Variants in UXS1 observed in about 807,000 individuals in gnomAD.
The protein encoded by UXS1 is UDP-glucuronate decarboxylase 1.
In UXS1, 33 loss-of-function variants were observed where a neutral mutation model predicts 62.6. The observed-to-expected ratio is 0.53, with a 90% confidence interval of 0.40 to 0.70. UXS1 has a LOEUF of 0.70. Among genes scored for constraint, UXS1 ranks in the 30% least tolerant of loss-of-function variants. The pLI is 0.00. For missense variants in UXS1, 434 were observed against 556.3 expected (o/e 0.78, Z 2.21); for synonymous variants, 213 against 206.8 (o/e 1.03, Z -0.26).
At chr2:106,108,468 G>A (rs1387177115) in intron 10 of UXS1, among the ~76,000 whole-genome samples, 2 of 152,166 alleles carry the variant, frequency 1.3e-5, no homozygotes, top group Non-Finnish European at 2.9e-5. Context: ...CACAAATTGA[G>A]TGTGCAGCAA....
rs557182622 is a variant in UXS1, at chr2:106,129,553, G to A, written c.577+121C>T. 4 of 829,582 alleles carry A rather than the reference G, an allele frequency of 4.8e-6. No individual in the cohort carries two copies. In the South Asian group the frequency reaches 5.9e-5, roughly 12 times the overall value. The allele number at this position is 829,582 out of a possible 1,614,324, so 51.4% of individuals were successfully genotyped here. Reference sequence around the variant, plus strand: ...AAAACTGCCAAATACCACAAGCAGGGCAATAAGGGACGAGGGAACACACTC... The same window carrying A: ...AAAACTGCCAAATACCACAAGCAGGACAATAAGGGACGAGGGAACACACTC... On this transcript the variant is annotated intron_variant, in intron 7 of 14. Coordinates refer to ENST00000283148, the MANE Select transcript of UXS1 (RefSeq NM_001253875.2).
chr2:106,121,938 G>A (rs1314832785), intron 9 of UXS1, among the ~76,000 whole-genome samples: 1 of 152,210 alleles, frequency 6.6e-6, no homozygotes, highest in Non-Finnish European at 1.5e-5. Context: ...CCCAAGGTCA[G>A]GAACAGGAGA....
intron 1 of UXS1, among the ~76,000 whole-genome samples, chr2:106,192,290 T>C (rs909176915): frequency 5.3e-5 from 8 of 152,196 alleles, no homozygotes; most frequent in African/African-American, 1.9e-4. Context: ...AGCGGTGGCT[T>C]ACGCCTGTAA....
At chr2:106,188,924 A>C (rs1240958380) in intron 1 of UXS1, among the ~76,000 whole-genome samples, 1 of 152,264 alleles carries the variant, frequency 6.6e-6, no homozygotes, top group African/African-American at 2.4e-5. Context: ...TTTTTAAAAA[A>C]GTTCACAGAA....
At chr2:106,129,928 T>C in intron 6 of UXS1, 150 bp from the exon 7 acceptor site, 1 of 557,984 alleles carries the variant, frequency 1.8e-6, no homozygotes, top group Non-Finnish European at 3.1e-6. Flanking sequence ...TTTACATTTG[T>C]AATTAGGAAA....
At chr2:106,097,011 G>C in intron 13 of UXS1, 190 bp from the exon 14 acceptor site, 1 of 703,244 alleles carries the variant, frequency 1.4e-6, no homozygotes, top group East Asian at 2.8e-5. Flanking sequence ...GAGTGCTCCT[G>C]CAACTGCTGT....
At chr2:106,115,269 T>C (rs1442328087) in intron 9 of UXS1, among the ~76,000 whole-genome samples, 1 of 152,216 alleles carries the variant, frequency 6.6e-6, no homozygotes, top group East Asian at 1.9e-4. Context: ...ACCCAGGAAG[T>C]ACACACCAGG....
chr2:106,171,115 C>T (rs1166256629), intron 1 of UXS1, among the ~76,000 whole-genome samples: 2 of 152,138 alleles, frequency 1.3e-5, no homozygotes, highest in African/African-American at 4.8e-5. Context: ...TAAACTGAGG[C>T]ATATCAGCTT....
chr2:106,094,161 T>C lies in UXS1; in HGVS notation c.1147-4A>G, dbSNP rs200751439. 5.2e-5 allele frequency: 84 copies of C among 1,606,906 alleles called. No individual in the cohort carries two copies. The highest frequency in any genetic ancestry group is 6.8e-5 in the Non-Finnish European group (80 of 1,178,416). On this transcript the variant is annotated splice_region_variant and splice_polypyrimidine_tract_variant and intron_variant, in intron 14 of 14. Transcript: ENST00000283148. The stretch of plus-strand genomic sequence containing the variant: ...TTAAACCTTCCTCCAGCGGGACCTG[T>C]TTAAAGGGAAAGCAAGAAAGGGAGA...
At chr2:106,167,147 A>C (rs1683263156) in intron 1 of UXS1, among the ~76,000 whole-genome samples, 2 of 152,194 alleles carry the variant, frequency 1.3e-5, no homozygotes, top group African/African-American at 4.8e-5. Context: ...ACAGCAGATG[A>C]CTTTAAAATG....
At chr2:106,103,282 A>G (rs552071513) in intron 11 of UXS1, among the ~76,000 whole-genome samples, 1 of 152,376 alleles carries the variant, frequency 6.6e-6, no homozygotes, top group Non-Finnish European at 1.5e-5. Context: ...AGCAGAAAGA[A>G]GAATGGGTCC....
chr2:106,142,937 G>C (rs1021644585), intron 6 of UXS1, among the ~76,000 whole-genome samples: 1 of 151,800 alleles, frequency 6.6e-6, no homozygotes, highest in African/African-American at 2.4e-5. Context: ...GTGTGTGTGT[G>C]TGTGTGTGTC....
chr2:106,112,612 G>A, intron 10 of UXS1, 34 bp downstream of exon 10: 1 of 1,610,828 alleles, frequency 6.2e-7, no homozygotes, highest in South Asian at 1.1e-5. Flanking sequence ...GATTTGGGTT[G>A]CAAGGTGCTC....
chr2:106,127,379 T>C (rs554184019), intron 7 of UXS1, among the ~76,000 whole-genome samples: 103 of 152,366 alleles, frequency 6.8e-4, no homozygotes, highest in South Asian at 2.9e-3. Flanking sequence ...TTCTAGTTTA[T>C]AGTTTTCTCT....
chr2:106,155,354 G>T (rs1682349384), intron 5 of UXS1, among the ~76,000 whole-genome samples: 1 of 152,166 alleles, frequency 6.6e-6, no homozygotes, highest in African/African-American at 2.4e-5. Context: ...AATACTAAAG[G>T]ATGTTCTTTA....
chr2:106,142,476 T>C (rs1681190551), intron 6 of UXS1, among the ~76,000 whole-genome samples: 1 of 152,230 alleles, frequency 6.6e-6, no homozygotes, highest in East Asian at 1.9e-4. Flanking sequence ...TTTCCAGATA[T>C]CTTTCTGTTA....
At chr2:106,155,885 C>T (rs1194784863) in intron 5 of UXS1, among the ~76,000 whole-genome samples, 1 of 152,024 alleles carries the variant, frequency 6.6e-6, no homozygotes, top group Non-Finnish European at 1.5e-5. Context: ...GACCTAATAC[C>T]CTATTCAAAA....
intron 5 of UXS1, among the ~76,000 whole-genome samples, chr2:106,147,788 T>G (rs1167137836): frequency 6.6e-6 from 1 of 152,200 alleles, no homozygotes; most frequent in Non-Finnish European, 1.5e-5. Context: ...TTCTTGGTTT[T>G]GTGTTTCCTG....
chr2:106,152,343 T>C (rs1015703607), intron 5 of UXS1, among the ~76,000 whole-genome samples: 1 of 151,784 alleles, frequency 6.6e-6, no homozygotes, highest in Non-Finnish European at 1.5e-5. Flanking sequence ...TCCCAGCTAC[T>C]TGGGAGGGTG....
Sources: allele counts gnomAD v4.1 joint callset (sites outside exome capture counted in the v4.1 genomes callset), GRCh38; gene constraint gnomAD v4.1.1; transcripts MANE v1.5; gene names NCBI Gene and HGNC (gene_info 2026-07-23, HGNC 2026-07-21).